AGA: variants seen among roughly 807,000 people sequenced by gnomAD.
AGA encodes the protein N(4)-(beta-N-acetylglucosaminyl)-L-asparaginase.
A neutral mutation model predicts 40.1 loss-of-function variants in AGA; 31 were observed. The observed-to-expected ratio is 0.77, with a 90% CI of 0.58 to 1.04. The LOEUF is 1.04. AGA is among the 50% of genes least tolerant of loss of function. The pLI is 0.00. For synonymous variants in AGA, 148 were observed against 144.0 expected, an observed-to-expected ratio of 1.03 and a Z score of -0.20; for missense variants, 445 against 435.4, an observed-to-expected ratio of 1.02 and a Z score of -0.20.
intron 5 of AGA, 79 bp downstream of exon 5, chr4:177,437,326 T>A: frequency 2.0e-6 from 2 of 983,424 alleles, no homozygotes; most frequent in Non-Finnish European, 3.2e-6. Context: ...AATCAACTTC[T>A]GGTAGAAGAA....
In AGA at chr4:177,431,802, G is replaced by C; in HGVS notation, c.947C>G (p.Ala316Gly). 6.2e-7 allele frequency: 1 copy of C among 1,613,690 alleles called. No homozygotes were observed. Among genetic ancestry groups the C allele is most frequent in the Non-Finnish European group, 8.5e-7 (1 of 1,179,684 alleles). Reference protein sequence around the residue: ...CANVTGSYGAACNKLSTFTQF... With the variant: ...CANVTGSYGAGCNKLSTFTQF... ...AGTAAATGTTGAAAGTTTATTGCAA[G>C]CAGCACCTGGGGCCAAAAATGAGAA... The change falls in exon 9 of 9, where the codon GCT becomes GGT. Residue 316 changes from alanine (A) to glycine (G), a missense_variant. By Grantham distance (60) the Ala-to-Gly change is moderately conservative (BLOSUM62 0). Transcript: ENST00000264595.
chr4:177,439,210 G>T (rs895715310), intron 3 of AGA, among the ~76,000 whole-genome samples: 2 of 152,014 alleles, frequency 1.3e-5, no homozygotes, highest in African/African-American at 4.8e-5. Context: ...GTGAAACCCC[G>T]TCTCTACTAA....
rs1419400809 is a variant in AGA, at chr4:177,431,210, CAAGTTTTTAGGGAAT to C, written c.*483_*497del. ...CTCATGTTCTATCATCTTCCTTCCT[CAAGTTTTTAGGGAAT>C]ATTAAGTAAAACCAATAATCAGTGC... is the stretch of plus-strand genomic sequence containing the variant. On this transcript the variant is annotated 3_prime_UTR_variant, in exon 9 of 9. Coordinates refer to ENST00000264595, the MANE Select transcript of AGA (RefSeq NM_000027.4). 2.3e-5 allele frequency: 10 copies of C among 440,704 alleles called. No individual in the cohort carries two copies. Among genetic ancestry groups the C allele is most frequent in the Non-Finnish European group, 4.0e-5 (9 of 222,636 alleles). The allele number at this position is 440,704 out of a possible 1,614,324, so 27.3% of individuals were successfully genotyped here.
intron 3 of AGA, 130 bp from the exon 4 acceptor site, chr4:177,438,987 C>T (rs1736908079): frequency 2.8e-6 from 2 of 718,880 alleles, no homozygotes; most frequent in Non-Finnish European, 5.1e-6. Flanking sequence ...AAGGAATATT[C>T]ACACATGAAC....
rs776134757 is a variant in AGA, at chr4:177,431,823, G to GAGAA, written c.941-19_941-16dup. ...GCAAGCAGCACCTGGGGCCAAAAATGAGAAAGAAGTTTGGTGAACTATAGG... is the reference window on the plus strand; with the variant it reads ...GCAAGCAGCACCTGGGGCCAAAAATGAGAAAGAAAGAAGTTTGGTGAACTATAGG... On this transcript the variant is annotated splice_polypyrimidine_tract_variant and intron_variant, in intron 8 of 8. Coordinates refer to ENST00000264595, the MANE Select transcript of AGA (RefSeq NM_000027.4). 1.9e-6 allele frequency: 3 copies of GAGAA among 1,601,550 alleles called. No homozygotes were observed. In the African/African-American group the frequency reaches 4.0e-5, roughly 21 times the overall value.
chr4:177,440,224 C>G (rs768292136), intron 2 of AGA, 49 bp downstream of exon 2: 1 of 1,607,678 alleles, frequency 6.2e-7, no homozygotes, highest in Non-Finnish European at 8.5e-7. Context: ...AAGACCACAA[C>G]TCTAAATGTA....
At chr4:177,440,787 C>T (rs1319412213) in intron 1 of AGA, among the ~76,000 whole-genome samples, 1 of 152,114 alleles carries the variant, frequency 6.6e-6, no homozygotes, top group Admixed American at 6.6e-5. Context: ...AAACCGCAGC[C>T]TTCTTCACAC....
In AGA at chr4:177,437,407, A is replaced by G. The variant is rs772248515; in HGVS notation, c.620T>C (p.Ile207Thr). The G allele has an allele frequency of 5.6e-6, 9 of 1,598,850 alleles. No homozygotes were observed. Among genetic ancestry groups the G allele is most frequent in the Middle Eastern group, 1.7e-4 (1 of 6,054 alleles). Residue 207 changes from isoleucine to threonine, a missense_variant and splice_region_variant, in exon 5 of 9, where the codon ATT becomes ACT. By Grantham distance (89) the Ile-to-Thr change is moderately conservative (BLOSUM62 -1). Coordinates refer to ENST00000264595, the MANE Select transcript of AGA (RefSeq NM_000027.4). Reference sequence around the variant, plus strand: ...AAACTGCACAAAAGGCAAATTACCAATAGTGTCATGACCACGATCATCTTC... The same window carrying G: ...AAACTGCACAAAAGGCAAATTACCAGTAGTGTCATGACCACGATCATCTTC... ...ETEDDRGHDTIGMVVIHKTGH... is the reference protein window; with the variant it reads ...ETEDDRGHDTTGMVVIHKTGH...
At chr4:177,436,744 A>G (rs1340908232) in intron 5 of AGA, among the ~76,000 whole-genome samples, 1 of 152,238 alleles carries the variant, frequency 6.6e-6, no homozygotes, top group Non-Finnish European at 1.5e-5. Context: ...TCTGTTGTTT[A>G]TAAGCCATCC....
intron 6 of AGA, among the ~76,000 whole-genome samples, chr4:177,434,964 A>G (rs1471151452): frequency 6.6e-6 from 1 of 151,556 alleles, no homozygotes; most frequent in African/African-American, 2.4e-5. Context: ...AATGGCATTG[A>G]TCTTGGCTCA....
chr4:177,440,606 G>C (rs1321790190), intron 1 of AGA, among the ~76,000 whole-genome samples, 180 bp from the exon 2 acceptor site: 1 of 149,930 alleles, frequency 6.7e-6, no homozygotes, highest in Non-Finnish European at 1.5e-5. Context: ...TATTTAACTA[G>C]TTATCAGAAG....
chr4:177,439,886 G>C (rs1189179255), intron 2 of AGA, among the ~76,000 whole-genome samples, 198 bp from the exon 3 acceptor site: 2 of 151,924 alleles, frequency 1.3e-5, no homozygotes, highest in African/African-American at 4.8e-5. Context: ...AAATCAACTT[G>C]CCATGTACCA....
chr4:177,434,783 G>A (rs935636122), intron 6 of AGA, among the ~76,000 whole-genome samples: 1 of 152,186 alleles, frequency 6.6e-6, no homozygotes, highest in African/African-American at 2.4e-5. Flanking sequence ...GACCTGGCGA[G>A]ATGCGGGTCA....
Position 177,440,346 on chromosome 4 carries a change from C to A in AGA, c.208G>T (p.Asp70Tyr). Residue 70 changes from aspartate (D) to tyrosine (Y), a missense_variant, in exon 2 of 9, where the codon GAC (aspartate) becomes TAC (tyrosine). By Grantham distance (160) the Asp-to-Tyr change is radical (BLOSUM62 -3). Transcript: ENST00000264595. ...CTTCCTCCAAAGCCTACAGAGCCGT[C>A]ACACTGCTCTCTCTCACACATGGCA... The part of the protein sequence containing the change: ...GCAMCEREQC[D>Y]GSVGFGGSPD... 1 of 1,614,104 alleles carries A rather than the reference C, an allele frequency of 6.2e-7. No individual in the cohort carries two copies. Among genetic ancestry groups the A allele is most frequent in the Non-Finnish European group, 8.5e-7 (1 of 1,180,012 alleles).
At chr4:177,433,149 TA>T (rs1736681781) in intron 8 of AGA, 64 bp downstream of exon 8, 1 of 1,605,234 alleles carries the variant, frequency 6.2e-7, no homozygotes, top group Non-Finnish European at 8.5e-7. Context: ...AAACAATATT[TA>T]AAAAGTGTAT....
chr4:177,435,748 T>TAC lies in AGA; in HGVS notation c.698+526_698+527dup, dbSNP rs139181250. Among the ~76,000 whole-genome samples the TAC allele has an allele frequency of 1.6e-4, 23 of 146,222 alleles. No individual in the cohort carries two copies. In the East Asian group the frequency reaches 4.1e-3, roughly 26 times the overall value. Reference sequence around the variant, plus strand: ...TTCCCTAGCCAGTGGGAGCCCTGAATACACACACACACACCCACACCAGTG... The same window carrying TAC: ...TTCCCTAGCCAGTGGGAGCCCTGAATACACACACACACACACCCACACCAGTG... On this transcript the variant is annotated intron_variant, in intron 6 of 8. Coordinates refer to ENST00000264595, the MANE Select transcript of AGA (RefSeq NM_000027.4).
intron 1 of AGA, among the ~76,000 whole-genome samples, chr4:177,441,450 C>T (rs1737006410): frequency 6.6e-6 from 1 of 152,092 alleles, no homozygotes; most frequent in African/African-American, 2.4e-5. Flanking sequence ...AAGAAACAAG[C>T]ATAGTACAAT....
At position 177,436,293 on chromosome 4, in the gene AGA, T is replaced by C; in HGVS notation, c.681A>G (p.Ile227Met). The C allele has an allele frequency of 1.2e-6, 2 of 1,613,282 alleles. No individual in the cohort carries two copies. The highest frequency in any genetic ancestry group is 1.7e-6 in the Non-Finnish European group (2 of 1,179,354). ...ACACTAACCCATGTATTTTGAATTTTATACCATTTGTAGATGTACCAGCAG... is the reference window on the plus strand; with the variant it reads ...ACACTAACCCATGTATTTTGAATTTCATACCATTTGTAGATGTACCAGCAG... ...HIAAGTSTNG[I>M]KFKIHGRVGD... Residue 227 changes from isoleucine to methionine, a missense_variant, in exon 6 of 9, where the codon ATA (isoleucine) becomes ATG (methionine). Ile to Met is a conservative substitution (Grantham distance 10, BLOSUM62 1). Coordinates refer to ENST00000264595, the MANE Select transcript of AGA (RefSeq NM_000027.4).
chr4:177,434,789 G>A (rs537564726), intron 6 of AGA, among the ~76,000 whole-genome samples: 3 of 152,246 alleles, frequency 2.0e-5, no homozygotes, highest in South Asian at 4.1e-4. Context: ...GCGAGATGCG[G>A]GTCAAAGGAC....
Sources: allele counts gnomAD v4.1 joint callset (sites outside exome capture counted in the v4.1 genomes callset), GRCh38; gene constraint gnomAD v4.1.1; transcripts MANE v1.5; gene names NCBI Gene and HGNC (gene_info 2026-07-23, HGNC 2026-07-21).